Variants in DHX58 observed in about 807,000 individuals in gnomAD.
The protein encoded by DHX58 is ATP-dependent RNA helicase DHX58.
DHX58 carries 51 observed loss-of-function variants against 65.0 expected under a neutral mutation model. The ratio of observed to expected loss-of-function variants is 0.78; its 90% CI spans 0.63 to 0.99. The LOEUF is 0.99. Ranked by LOEUF, DHX58 falls within the 50% of genes least tolerant of loss-of-function variation. The pLI is 0.00. For synonymous variants in DHX58, 350 were observed against 365.0 expected, an observed-to-expected ratio of 0.96 and a Z score of 0.47; for missense variants, 773 against 891.8, an observed-to-expected ratio of 0.87 and a Z score of 1.70.
intron 11 of DHX58, 88 bp downstream of exon 11, chr17:42,104,678 G>T: frequency 6.5e-7 from 1 of 1,531,682 alleles, no homozygotes; most frequent in Non-Finnish European, 8.8e-7. Context: ...GAGGGGACAG[G>T]GGGACGTATG....
At chr17:42,105,687 C>G in intron 9 of DHX58, 49 bp downstream of exon 9, 2 of 1,519,296 alleles carry the variant, frequency 1.3e-6, no homozygotes, top group East Asian at 2.3e-5. Flanking sequence ...CCGCACTTCT[C>G]TCCTATGGAA....
At chr17:42,107,921 C>A (rs577415123) in intron 7 of DHX58, 61 bp downstream of exon 7, 4 of 1,607,448 alleles carry the variant, frequency 2.5e-6, no homozygotes, top group East Asian at 2.2e-5. Context: ...TCCGCCCCGG[C>A]AGGCCCCGCC....
intron 2 of DHX58, 38 bp from the exon 3 acceptor site, chr17:42,111,931 C>T: frequency 6.3e-7 from 1 of 1,576,694 alleles, no homozygotes; most frequent in Non-Finnish European, 8.6e-7. Flanking sequence ...CCGACTCCTC[C>T]ACCCCTCCCA....
chr17:42,107,359 C>T (rs2054077152), intron 8 of DHX58, among the ~76,000 whole-genome samples: 1 of 129,200 alleles, frequency 7.7e-6, no homozygotes, highest in Non-Finnish European at 1.5e-5. Flanking sequence ...GAGCAAGACC[C>T]CGACTATTAA....
At chr17:42,109,029 T>C (rs1452169526) in intron 6 of DHX58, among the ~76,000 whole-genome samples, 1 of 152,236 alleles carries the variant, frequency 6.6e-6, no homozygotes, top group Non-Finnish European at 1.5e-5. Context: ...TGGTTTGTAG[T>C]GCACTCCCCA....
chr17:42,109,527 C>G, intron 5 of DHX58, 141 bp from the exon 6 acceptor site: 1 of 648,476 alleles, frequency 1.5e-6, no homozygotes, highest in East Asian at 2.8e-5. Context: ...TCTCTGTGCC[C>G]GTCTTGTTCT....
chr17:42,106,778 C>T (rs565457657), intron 8 of DHX58, among the ~76,000 whole-genome samples: 62 of 151,448 alleles, frequency 4.1e-4, no homozygotes, highest in Non-Finnish European at 6.9e-4. Flanking sequence ...CCAGCCTGGG[C>T]GACAGAGCGA....
In DHX58 at chr17:42,112,167, C is replaced by T. The variant is rs2054167371; in HGVS notation, c.-56G>A. The T allele has an allele frequency of 6.0e-6, 2 of 335,958 alleles. No homozygotes were observed. The highest frequency in any genetic ancestry group is 1.1e-5 in the Non-Finnish European group (2 of 184,626). 20.8% of individuals were successfully genotyped at this position (335,958 alleles called of 1,614,324 possible). On this transcript the variant is annotated 5_prime_UTR_variant, in exon 2 of 14. Coordinates refer to ENST00000251642, the MANE Select transcript of DHX58 (RefSeq NM_024119.3). ...AGTCCCACTTAACTCAGCCTGGTGC[C>T]ACTCTGCTCAGCTCAGAGACCCAAG...
chr17:42,108,758 G>A (rs1212411138), intron 6 of DHX58, among the ~76,000 whole-genome samples: 1 of 151,256 alleles, frequency 6.6e-6, no homozygotes, highest in Non-Finnish European at 1.5e-5. Context: ...CCAGATAAAG[G>A]TGGACAGTGT....
Position 42,106,136 on chromosome 17 carries a change from G to T in DHX58, c.998-147C>A, listed in dbSNP as rs1212933388. ...ATTGCACCACTGCACTCCAGGCTGT[G>T]TAACAGAGTGAGACTCTGTCTGGGA... On this transcript the variant is annotated intron_variant, in intron 8 of 13. Transcript: ENST00000251642. The T allele has an allele frequency of 1.7e-5, 11 of 634,990 alleles. No individual in the cohort carries two copies. In the African/African-American group the frequency reaches 1.9e-4, roughly 11 times the overall value. The allele number at this position is 634,990 out of a possible 1,614,324, so 39.3% of individuals were successfully genotyped here. A position where few individuals can be genotyped will look rare whatever the true frequency, so the allele number is the denominator to read the frequency against.
Position 42,101,818 on chromosome 17 carries a change from A to G in DHX58, c.1980T>C (p.Pro660=). 2 of 1,614,240 alleles carry G rather than the reference A, an allele frequency of 1.2e-6. No homozygotes were observed. Among genetic ancestry groups the G allele is most frequent in the Non-Finnish European group, 1.7e-6 (2 of 1,180,042 alleles). ...CACAATGCTGCAGGAAGTCAAAGTC[A>G]GGCACGGAGAAGGGCACGCGGGACC... ...KKWSRVPFSV[P]DFDFLQHCAE... The change falls in exon 14 of 14, where the codon CCT becomes CCC. Residue 660 remains proline, a synonymous_variant. Coordinates refer to ENST00000251642, the MANE Select transcript of DHX58 (RefSeq NM_024119.3).
chr17:42,105,351 AC>A (rs1555662420), intron 9 of DHX58, among the ~76,000 whole-genome samples, 184 bp from the exon 10 acceptor site: 1 of 151,880 alleles, frequency 6.6e-6, no homozygotes, highest in Non-Finnish European at 1.5e-5. Context: ...TTCCCAGGTA[AC>A]TGTCCAACCC....
In DHX58 at chr17:42,108,128, G is replaced by A; in HGVS notation, c.679-20C>T. 2 of 1,614,174 alleles carry A rather than the reference G, an allele frequency of 1.2e-6. No individual in the cohort carries two copies. Among genetic ancestry groups the A allele is most frequent in the Non-Finnish European group, 8.5e-7 (1 of 1,180,040 alleles). On this transcript the variant is annotated intron_variant, in intron 6 of 13. Transcript: ENST00000251642. ...CGGATCCTGAGCAAGAGGAGAGTTG[G>A]AGGGGATTCCCATACACGTTGGAGG...
chr17:42,109,268 AC>A lies in DHX58; in HGVS notation c.678+1del. Reference sequence around the variant, plus strand: ...TCTCGCCGTGTCCCTGCCCCCGCGTACCTGGCTGCGCCTGTGGCAGAGGTTG... The same window carrying A: ...TCTCGCCGTGTCCCTGCCCCCGCGTACTGGCTGCGCCTGTGGCAGAGGTTG... On this transcript the variant is annotated splice_donor_variant, in intron 6 of 13. Coordinates refer to ENST00000251642, the MANE Select transcript of DHX58 (RefSeq NM_024119.3). LOFTEE classifies it high-confidence loss of function. The A allele has an allele frequency of 6.2e-7, 1 of 1,609,264 alleles. No homozygotes were observed. The highest frequency in any genetic ancestry group is 8.5e-7 in the Non-Finnish European group (1 of 1,177,376).
intron 8 of DHX58, 52 bp downstream of exon 8, chr17:42,107,552 T>C: frequency 6.7e-7 from 1 of 1,481,908 alleles, no homozygotes; most frequent in Non-Finnish European, 9.0e-7. Flanking sequence ...GCCTCTGACC[T>C]CGCATCCAGG....
rs1555663216 is a variant in DHX58 at position 42,108,095 on chromosome 17, T to TC, written c.691dup (p.Asp231GlyfsTer12). 6.2e-7 allele frequency: 1 copy of TC among 1,614,176 alleles called. No individual in the cohort carries two copies. The highest frequency in any genetic ancestry group is 8.5e-7 in the Non-Finnish European group (1 of 1,180,028). Reference sequence around the variant, plus strand: ...TTGGTCCATGAGCTTCTTCAGCAAGTCCCCAAACGGATCCTGAGCAAGAGG... The same window carrying TC: ...TTGGTCCATGAGCTTCTTCAGCAAGTCCCCCAAACGGATCCTGAGCAAGAGG... On this transcript the variant is annotated frameshift_variant, in exon 7 of 14. Transcript: ENST00000251642. LOFTEE classifies it high-confidence loss of function.
At chr17:42,107,521 G>A (rs2054079262) in intron 8 of DHX58, 83 bp downstream of exon 8, 1 of 1,425,790 alleles carries the variant, frequency 7.0e-7, no homozygotes, top group Non-Finnish European at 9.3e-7. Flanking sequence ...CTTCCCATCC[G>A]ACCTTGGCGC....
In DHX58 at chr17:42,110,707, C is replaced by CAGGGGCCA; in HGVS notation, c.561+8_561+15dup. On this transcript the variant is annotated intron_variant, in intron 5 of 13. Transcript: ENST00000251642. ...GGTGGGTCTGGCAGTGGGAGGCCCA[C>CAGGGGCCA]AGGGGCCAGGCTGACCTGCAGGACG... 1 of 1,574,838 alleles carries CAGGGGCCA rather than the reference C, an allele frequency of 6.3e-7. No individual in the cohort carries two copies. Among genetic ancestry groups the CAGGGGCCA allele is most frequent in the Non-Finnish European group, 8.6e-7 (1 of 1,160,728 alleles).
At position 42,111,367 on chromosome 17, in the gene DHX58, A is replaced by C. The variant is rs1555664169; in HGVS notation, c.299T>G (p.Leu100Arg). ...FGHLARCHDL[L>R]ICTAELLQMA... ...CTGCAGAAGCTCTGCTGTGCAGATG[A>C]GCAGGTCATGGCACCGGGCCAGGTG... is the stretch of plus-strand genomic sequence containing the variant. The change falls in exon 4 of 14, where the codon CTC becomes CGC. Residue 100 changes from leucine to arginine, a missense_variant. Coordinates refer to ENST00000251642, the MANE Select transcript of DHX58 (RefSeq NM_024119.3). 1 of 1,614,152 alleles carries C rather than the reference A, an allele frequency of 6.2e-7. No individual in the cohort carries two copies. The highest frequency in any genetic ancestry group is 1.1e-5 in the South Asian group (1 of 91,082).
Sources: allele counts gnomAD v4.1 joint callset (sites outside exome capture counted in the v4.1 genomes callset), GRCh38; gene constraint gnomAD v4.1.1; transcripts MANE v1.5; gene names NCBI Gene and HGNC (gene_info 2026-07-23, HGNC 2026-07-21).